The following ERBB4 variants were observed in gnomAD, a reference collection of about 807,000 sequenced individuals.
ERBB4 encodes the protein receptor tyrosine-protein kinase erbB-4.
In ERBB4, 42 loss-of-function variants were observed where a neutral mutation model predicts 158.0. That is an observed-to-expected ratio of 0.27 (90% CI 0.21 to 0.34). The LOEUF (loss-of-function observed/expected upper bound fraction) is 0.34, where lower values mean the gene tolerates loss of function less well. ERBB4 is among the 10% of genes least tolerant of loss of function. The pLI, the probability that ERBB4 is intolerant of heterozygous loss-of-function variation, is 1.00. For missense variants in ERBB4, 1,333 were observed against 1,624.1 expected (o/e 0.82, Z 3.08); for synonymous variants, 583 against 558.7 (o/e 1.04, Z -0.61).
intron 16 of ERBB4, among the ~76,000 whole-genome samples, chr2:211,640,149 G>A (rs2070521358): frequency 6.6e-6 from 1 of 151,854 alleles, no homozygotes; most frequent in African/African-American, 2.4e-5. Flanking sequence ...GTTTTATACT[G>A]AAAGAAGATT....
intron 20 of ERBB4, among the ~76,000 whole-genome samples, chr2:211,512,241 C>T (rs1165786955): frequency 2.0e-5 from 3 of 152,102 alleles, no homozygotes; most frequent in Non-Finnish European, 4.4e-5. Flanking sequence ...TGAGTATGAA[C>T]TGAATATCAC....
chr2:212,218,455 T>C (rs1309600022), intron 1 of ERBB4, among the ~76,000 whole-genome samples: 2 of 151,308 alleles, frequency 1.3e-5, no homozygotes, highest in East Asian at 1.9e-4. Flanking sequence ...CCTTGCTTAC[T>C]ATTAAGGAAG....
intron 1 of ERBB4, among the ~76,000 whole-genome samples, chr2:212,203,552 T>C (rs886951450): frequency 2.0e-5 from 3 of 152,158 alleles, no homozygotes; most frequent in South Asian, 2.1e-4. Context: ...AAGAATAACA[T>C]GATCTGAACA....
intron 20 of ERBB4, among the ~76,000 whole-genome samples, chr2:211,553,255 C>T (rs1471238632): frequency 6.6e-6 from 1 of 152,086 alleles, no homozygotes; most frequent in East Asian, 1.9e-4. Flanking sequence ...AGGCATGAGC[C>T]ACCACGCCCA....
chr2:212,350,548 T>G (rs1049765885), intron 1 of ERBB4, among the ~76,000 whole-genome samples: 1 of 152,096 alleles, frequency 6.6e-6, no homozygotes, highest in Non-Finnish European at 1.5e-5. Flanking sequence ...TCAAAAGTAA[T>G]AAGACAAAGA....
intron 2 of ERBB4, among the ~76,000 whole-genome samples, chr2:212,079,311 T>G (rs2078365855): frequency 6.6e-6 from 1 of 151,972 alleles, no homozygotes; most frequent in South Asian, 2.1e-4. Context: ...GCTCTATTTT[T>G]TAAAGAAATC....
chr2:212,308,946 C>G (rs949959526), intron 1 of ERBB4, among the ~76,000 whole-genome samples: 2 of 150,824 alleles, frequency 1.3e-5, no homozygotes, highest in African/African-American at 4.8e-5. Context: ...GTAAAAATAA[C>G]CCCAGCTGAA....
At chr2:212,279,322 A>G (rs2085664817) in intron 1 of ERBB4, among the ~76,000 whole-genome samples, 1 of 151,568 alleles carries the variant, frequency 6.6e-6, no homozygotes, top group South Asian at 2.1e-4. Flanking sequence ...ACTTATTTTA[A>G]TGATTGGAAT....
chr2:211,941,120 G>T lies in ERBB4; in HGVS notation c.421+6310C>A, dbSNP rs367592408. On this transcript the variant is annotated intron_variant, in intron 3 of 27. Coordinates refer to ENST00000342788, the MANE Select transcript of ERBB4 (RefSeq NM_005235.3). ...TATCATTTCCAGAAATTGTGGACCT[G>T]ATCTAAAAATGGACTCTTCCGAAGA... 1.1e-4 allele frequency among the ~76,000 whole-genome samples: 17 copies of T among 152,150 alleles called. No homozygotes were observed. The East Asian group carries it at 2.5e-3, about 23-fold the overall frequency.
chr2:212,308,463 C>T (rs2106229325), intron 1 of ERBB4, among the ~76,000 whole-genome samples: 1 of 151,120 alleles, frequency 6.6e-6, no homozygotes, highest in East Asian at 2.0e-4. Flanking sequence ...TTGCTACCTA[C>T]ATCCATTCTC....
Position 211,796,049 on chromosome 2 carries a change from G to A in ERBB4, c.422-7890C>T, listed in dbSNP as rs143632346. ...TGAATTATAATATACACACATAGATGTGCATTATCATATTCAATTAACTTT... is the reference window on the plus strand; with the variant it reads ...TGAATTATAATATACACACATAGATATGCATTATCATATTCAATTAACTTT... On this transcript the variant is annotated intron_variant, in intron 3 of 27. Transcript: ENST00000342788. 6.2e-3 allele frequency among the ~76,000 whole-genome samples: 949 copies of A among 151,874 alleles called. 18 individuals carry two copies. Among genetic ancestry groups the A allele is most frequent in the Middle Eastern group, 0.048 (14 of 294 alleles).
At chr2:211,990,928 C>A (rs982109469) in intron 2 of ERBB4, among the ~76,000 whole-genome samples, 1 of 151,906 alleles carries the variant, frequency 6.6e-6, no homozygotes, top group Admixed American at 6.6e-5. Context: ...ATATTATTTT[C>A]ATAATTATAC....
At chr2:211,772,550 T>C (rs35623699) in intron 4 of ERBB4, among the ~76,000 whole-genome samples, 22,254 of 151,656 alleles carry the variant, frequency 0.15, 1,847 homozygotes, top group South Asian at 0.33. Flanking sequence ...ATATCTTCAA[T>C]GACAACACAT....
At chr2:212,008,603 A>G (rs2076310359) in intron 2 of ERBB4, among the ~76,000 whole-genome samples, 2 of 152,116 alleles carry the variant, frequency 1.3e-5, no homozygotes, top group Non-Finnish European at 2.9e-5. Context: ...TCATTTTAAC[A>G]GTTCACAACA....
At chr2:211,688,662 C>G (rs1271759532) in intron 12 of ERBB4, among the ~76,000 whole-genome samples, 1 of 152,116 alleles carries the variant, frequency 6.6e-6, no homozygotes, top group Non-Finnish European at 1.5e-5. Flanking sequence ...AGTGGGATTA[C>G]TTGCTGTTTC....
At position 212,319,256 on chromosome 2, in the gene ERBB4, T is replaced by G. The variant is rs185640605; in HGVS notation, c.83-194353A>C. 1.3e-3 allele frequency among the ~76,000 whole-genome samples: 191 copies of G among 151,072 alleles called. 10 individuals are homozygous for G. Among genetic ancestry groups the G allele is most frequent in the Non-Finnish European group, 2.4e-3 (164 of 67,292 alleles). On this transcript the variant is annotated intron_variant, in intron 1 of 27. Transcript: ENST00000342788. ...TCATACATCACAGCCTTCAAATGTT[T>G]GATAGTAAGGAACAAATACACCCAC...
intron 13 of ERBB4, among the ~76,000 whole-genome samples, chr2:211,674,026 AT>A (rs1405081465): frequency 6.6e-6 from 1 of 152,078 alleles, no homozygotes; most frequent in Non-Finnish European, 1.5e-5. Flanking sequence ...TGTATATTAC[AT>A]GTTATCAACT....
intron 1 of ERBB4, among the ~76,000 whole-genome samples, chr2:212,499,217 A>G (rs1421586251): frequency 6.6e-6 from 1 of 152,070 alleles, no homozygotes; most frequent in Non-Finnish European, 1.5e-5. Context: ...GAGGGACTCT[A>G]CAGTCTAAAA....
intron 1 of ERBB4, among the ~76,000 whole-genome samples, chr2:212,349,286 A>G (rs981324273): frequency 2.3e-5 from 2 of 86,812 alleles, no homozygotes; most frequent in African/African-American, 8.0e-5. Flanking sequence ...CAACTTCTTA[A>G]TCACACACAC....
Sources: allele counts gnomAD v4.1 joint callset (sites outside exome capture counted in the v4.1 genomes callset), GRCh38; gene constraint gnomAD v4.1.1; transcripts MANE v1.5; gene names NCBI Gene and HGNC (gene_info 2026-07-23, HGNC 2026-07-21).